The following ANK2 variants were observed in gnomAD, a reference collection of about 807,000 sequenced individuals.
ANK2 encodes ankyrin 2.
Under a neutral mutation model 360.5 loss-of-function variants are expected in ANK2, and 83 were observed. The observed-to-expected ratio is 0.23, with a 90% CI of 0.19 to 0.28. ANK2 has a LOEUF of 0.28. Ranked by LOEUF, ANK2 falls within the 10% of genes least tolerant of loss-of-function variation. The probability of loss-of-function intolerance (pLI) is 1.00; values close to 1 mark genes in which losing one functional copy is unlikely to be tolerated. For missense variants in ANK2, 4,201 were observed against 4,795.7 expected (o/e 0.88, Z 3.66); for synonymous variants, 1,740 against 1,759.5 (o/e 0.99, Z 0.28).
At chr4:112,944,085 A>G (rs1395751425) in intron 2 of ANK2, among the ~76,000 whole-genome samples, 1 of 152,220 alleles carries the variant, frequency 6.6e-6, no homozygotes, top group Non-Finnish European at 1.5e-5. Context: ...GGACTAAAAA[A>G]CACATGTATA....
At chr4:112,800,957 C>A in the ANK2 span, among the ~76,000 whole-genome samples, 1 of 152,110 alleles carries the variant, frequency 6.6e-6, no homozygotes, top group Non-Finnish European at 1.5e-5. Context: ...ACCCGGCTGG[C>A]TTTTCATTTT....
chr4:113,145,255 T>G (rs1202397641), intron 1 of ANK2, among the ~76,000 whole-genome samples: 1 of 152,226 alleles, frequency 6.6e-6, no homozygotes, highest in African/African-American at 2.4e-5. Context: ...AAAGGATGGC[T>G]AATTGTTTTC....
Position 113,339,208 on chromosome 4 carries a change from A to G in ANK2, c.3797-18A>G. The G allele has an allele frequency of 6.3e-7, 1 of 1,599,092 alleles. No individual in the cohort carries two copies. Among genetic ancestry groups the G allele is most frequent in the Non-Finnish European group, 8.6e-7 (1 of 1,167,096 alleles). On this transcript the variant is annotated intron_variant, in intron 31 of 45. Coordinates refer to ENST00000357077, the MANE Select transcript of ANK2 (RefSeq NM_001148.6). The stretch of plus-strand genomic sequence containing the variant: ...CTGGAGTTTTGCCTGATTTTTTTCA[A>G]CAATCATATTATTTCAGGTGGAACC...
chr4:113,007,265 A>G (rs2053220682), intron 2 of ANK2, among the ~76,000 whole-genome samples: 1 of 152,140 alleles, frequency 6.6e-6, no homozygotes, highest in African/African-American at 2.4e-5. Context: ...TCCTCTGGGG[A>G]AAAGAGTAAG....
intron 37 of ANK2, among the ~76,000 whole-genome samples, chr4:113,352,265 T>A (rs555053149): frequency 6.6e-6 from 1 of 152,222 alleles, no homozygotes; most frequent in African/African-American, 2.4e-5. Context: ...GACTCACTTA[T>A]AAGTTTAATC....
rs1168558028 is a variant in ANK2, at chr4:113,369,680, C to A, written c.11485C>A (p.Pro3829Thr). 2 of 1,614,152 alleles carry A rather than the reference C, an allele frequency of 1.2e-6. No homozygotes were observed. Among genetic ancestry groups the A allele is most frequent in the Admixed American group, 3.3e-5 (2 of 60,024 alleles). The change falls in exon 43 of 46, where the codon CCC (proline) becomes ACC (threonine). Residue 3829 changes from proline (P) to threonine (T), a missense_variant. This residue lies in a region of ANK2 where 2,642 missense variants were observed against 2,714.5 expected (regional missense o/e 0.97). Coordinates refer to ENST00000357077, the MANE Select transcript of ANK2 (RefSeq NM_001148.6). ...ERGGSPIIQEPEEPSEHREES... is the reference protein window; with the variant it reads ...ERGGSPIIQETEEPSEHREES... ...GGGAGGCTCTCCCATCATACAAGAACCCGAAGAGCCCTCAGAGCACAGAGA... is the reference window on the plus strand; with the variant it reads ...GGGAGGCTCTCCCATCATACAAGAAACCGAAGAGCCCTCAGAGCACAGAGA...
intron 1 of ANK2, among the ~76,000 whole-genome samples, chr4:112,824,414 C>A (rs1193036218): frequency 6.6e-6 from 1 of 151,962 alleles, no homozygotes; most frequent in African/African-American, 2.4e-5. Flanking sequence ...GTTGCCCAGG[C>A]TGGTCTTGAA....
chr4:113,098,154 C>G (rs62313781), intron 1 of ANK2, among the ~76,000 whole-genome samples: 73,172 of 150,782 alleles, frequency 0.49, 18,700 homozygotes, highest in African/African-American at 0.64. Flanking sequence ...TCATAGAAAA[C>G]TAGAGAAGAT....
intron 1 of ANK2, among the ~76,000 whole-genome samples, chr4:113,055,687 G>T (rs923897292): frequency 2.0e-5 from 3 of 152,108 alleles, no homozygotes; most frequent in African/African-American, 7.2e-5. Flanking sequence ...AACTCTCATT[G>T]CATATTATTA....
chr4:113,212,426 T>C (rs2099033947), intron 4 of ANK2, among the ~76,000 whole-genome samples: 1 of 152,224 alleles, frequency 6.6e-6, no homozygotes, highest in Non-Finnish European at 1.5e-5. Flanking sequence ...TGTGTAATAA[T>C]TGGAATCCTC....
intron 37 of ANK2, 198 bp downstream of exon 37, chr4:113,350,447 G>A (rs1343141408): frequency 6.0e-6 from 3 of 496,202 alleles, no homozygotes; most frequent in East Asian, 6.4e-5. Context: ...GAGCTAATTA[G>A]CAGTAAAATG....
the ANK2 span, among the ~76,000 whole-genome samples, chr4:112,707,431 G>C: frequency 6.6e-6 from 1 of 152,108 alleles, no homozygotes; most frequent in Non-Finnish European, 1.5e-5. Context: ...AATTGTTAGG[G>C]TTTTAAATCC....
intron 24 of ANK2, among the ~76,000 whole-genome samples, chr4:113,311,752 C>T (rs373581744): frequency 2.6e-4 from 39 of 152,206 alleles, no homozygotes; most frequent in African/African-American, 9.1e-4. Flanking sequence ...TCTTACTGAG[C>T]GGCATCACAG....
At chr4:112,994,393 A>G (rs955963902) in intron 2 of ANK2, among the ~76,000 whole-genome samples, 1 of 152,234 alleles carries the variant, frequency 6.6e-6, no homozygotes, top group African/African-American at 2.4e-5. Context: ...AGCAACTAAT[A>G]GCAAAAAGAA....
intron 1 of ANK2, among the ~76,000 whole-genome samples, chr4:113,086,413 A>T (rs1053183124): frequency 6.6e-6 from 1 of 152,174 alleles, no homozygotes; most frequent in Non-Finnish European, 1.5e-5. Context: ...TTTTTTTTAT[A>T]CAGTTGCAAC....
intron 1 of ANK2, among the ~76,000 whole-genome samples, chr4:113,100,781 ATAT>A (rs1430883795): frequency 2.6e-5 from 4 of 152,180 alleles, no homozygotes; most frequent in Non-Finnish European, 4.4e-5. Flanking sequence ...TTACAATGGA[ATAT>A]TATTCAGTGA....
chr4:112,833,625 T>G (rs1241849920), intron 1 of ANK2, among the ~76,000 whole-genome samples: 1 of 151,940 alleles, frequency 6.6e-6, no homozygotes, highest in Non-Finnish European at 1.5e-5. Flanking sequence ...TTGCTCAGCC[T>G]CCCCAGTACC....
intron 1 of ANK2, among the ~76,000 whole-genome samples, chr4:112,885,320 G>C (rs1477007511): frequency 6.6e-6 from 1 of 151,368 alleles, no homozygotes; most frequent in Non-Finnish European, 1.5e-5. Flanking sequence ...CCAACATGTT[G>C]AAACCCTGTC....
At chr4:113,301,088 A>T (rs947323368) in intron 22 of ANK2, among the ~76,000 whole-genome samples, 4 of 152,300 alleles carry the variant, frequency 2.6e-5, no homozygotes, top group African/African-American at 9.6e-5. Context: ...AGCCTAAAAA[A>T]CTAGACAACC....
Sources: gnomAD v4.1 joint callset for allele counts (sites outside exome capture counted in the v4.1 genomes callset) on GRCh38, gnomAD v4.1.1 for gene constraint, gnomAD v4.1.1 regional missense constraint, MANE v1.5 for transcripts, NCBI Gene and HGNC (gene_info 2026-07-23, HGNC 2026-07-21) for gene names.